The following NCKAP5 variants were observed in gnomAD, a reference collection of about 807,000 sequenced individuals.
NCKAP5 encodes nck-associated protein 5.
In NCKAP5, 92 loss-of-function variants were observed where a neutral mutation model predicts 167.0. The observed-to-expected ratio is 0.55, with a 90% CI of 0.47 to 0.66. The LOEUF is 0.66. Among genes scored for constraint, NCKAP5 ranks in the 30% least tolerant of loss-of-function variants. NCKAP5 has a pLI of 0.00. For missense variants in NCKAP5, 2,378 were observed against 2,315.0 expected (o/e 1.03, Z -0.56); for synonymous variants, 891 against 877.4 (o/e 1.02, Z -0.27).
intron 19 of NCKAP5, among the ~76,000 whole-genome samples, chr2:132,686,270 T>A (rs902051650): frequency 6.7e-6 from 1 of 148,828 alleles, no homozygotes; most frequent in African/African-American, 2.6e-5. Context: ...AGAAAGGTGG[T>A]TAGGGTTTCT....
intron 5 of NCKAP5, among the ~76,000 whole-genome samples, chr2:133,200,471 A>T (rs1241542224): frequency 6.6e-6 from 1 of 152,174 alleles, no homozygotes; most frequent in African/African-American, 2.4e-5. Flanking sequence ...AAAAAAAATA[A>T]TTCAAAAAAG....
intron 11 of NCKAP5, among the ~76,000 whole-genome samples, chr2:132,849,933 G>C: frequency 6.6e-6 from 1 of 152,164 alleles, no homozygotes; most frequent in East Asian, 1.9e-4. Context: ...GTAGTAGAAA[G>C]GGTACAATGC....
intron 3 of NCKAP5, among the ~76,000 whole-genome samples, chr2:133,511,852 T>C (rs1683523179): frequency 2.6e-5 from 4 of 152,206 alleles, no homozygotes. Context: ...AAGATCAGGC[T>C]TCCCAGAGGA....
At chr2:133,492,684 T>C (rs571506172) in intron 3 of NCKAP5, among the ~76,000 whole-genome samples, 46 of 152,370 alleles carry the variant, frequency 3.0e-4, no homozygotes, top group African/African-American at 1.0e-3. Flanking sequence ...ATATATAACC[T>C]GTGAGATTGT....
rs1695181149 is a variant in NCKAP5, at chr2:132,919,935, T to C, written c.580-41019A>G. Among the ~76,000 whole-genome samples, 2 of 152,166 alleles carry C rather than the reference T, an allele frequency of 1.3e-5. 1 individual carries two copies. The highest frequency in any genetic ancestry group is 4.1e-4 in the South Asian group (2 of 4,826). ...GGCCAAGTCTTGCTTGTGTCTACCT[T>C]AGTTATCAAAGGGCAGAAAAGGGAC... On this transcript the variant is annotated intron_variant, in intron 8 of 19. Coordinates refer to ENST00000409261, the MANE Select transcript of NCKAP5 (RefSeq NM_207363.3).
intron 7 of NCKAP5, among the ~76,000 whole-genome samples, chr2:132,971,341 T>C (rs2076828551): frequency 6.6e-6 from 1 of 152,060 alleles, no homozygotes; most frequent in South Asian, 2.1e-4. Context: ...GGAGGGCAAC[T>C]GAGAAGTCCA....
intron 8 of NCKAP5, among the ~76,000 whole-genome samples, chr2:132,950,126 T>G (rs2076140463): frequency 1.3e-5 from 2 of 152,086 alleles, no homozygotes; most frequent in African/African-American, 2.4e-5. Flanking sequence ...AAAAAGAAAT[T>G]ACTTTAGTCT....
intron 3 of NCKAP5, among the ~76,000 whole-genome samples, chr2:133,442,558 G>A (rs1220163925): frequency 6.6e-6 from 1 of 152,218 alleles, no homozygotes; most frequent in East Asian, 1.9e-4. Flanking sequence ...CTTCTAGGGT[G>A]TAGGTCTCCT....
At chr2:132,700,941 GC>G (rs1687826082) in intron 19 of NCKAP5, among the ~76,000 whole-genome samples, 1 of 128,364 alleles carries the variant, frequency 7.8e-6, no homozygotes, top group East Asian at 2.6e-4. Context: ...GGGGGGGGGG[GC>G]TTTTAAGCAA....
chr2:133,245,293 A>G (rs567315609), intron 4 of NCKAP5, among the ~76,000 whole-genome samples: 1 of 152,342 alleles, frequency 6.6e-6, no homozygotes, highest in African/African-American at 2.4e-5. Flanking sequence ...CCCCGTAACT[A>G]GAATGAAGTG....
rs531071343 is a variant in NCKAP5, at chr2:132,868,405, G to A, written c.687+531C>T. Among the ~76,000 whole-genome samples, 3 of 152,206 alleles carry A rather than the reference G, an allele frequency of 2.0e-5. No homozygotes were observed. In the East Asian group the frequency reaches 5.8e-4, roughly 29 times the overall value. ...AGGTATGGAAATTTCAGGCACAGTG[G>A]TTACCATTATTTTATATGTACCACA... is the stretch of plus-strand genomic sequence containing the variant. On this transcript the variant is annotated intron_variant, in intron 10 of 19. Transcript: ENST00000409261.
intron 5 of NCKAP5, among the ~76,000 whole-genome samples, chr2:133,200,870 T>C (rs2085655230): frequency 6.6e-6 from 1 of 152,174 alleles, no homozygotes; most frequent in South Asian, 2.1e-4. Flanking sequence ...CACTCAGCTA[T>C]TTTTTAAAAA....
chr2:132,788,531 C>T (rs181271770), intron 13 of NCKAP5, among the ~76,000 whole-genome samples: 1 of 152,280 alleles, frequency 6.6e-6, no homozygotes, highest in African/African-American at 2.4e-5. Context: ...CTTAGCACCT[C>T]AGTGTCCTCT....
chr2:133,358,254 A>G (rs1021962428), intron 3 of NCKAP5, among the ~76,000 whole-genome samples: 37 of 152,216 alleles, frequency 2.4e-4, no homozygotes, highest in African/African-American at 8.7e-4. Flanking sequence ...CCATTTTGAA[A>G]TCAGTTATTA....
intron 4 of NCKAP5, among the ~76,000 whole-genome samples, chr2:133,254,706 G>A (rs1025259636): frequency 2.6e-5 from 4 of 152,046 alleles, no homozygotes; most frequent in Admixed American, 2.0e-4. Flanking sequence ...TAGGAGTTTG[G>A]GTGAAGTTAC....
chr2:133,024,668 T>C (rs993350174), intron 6 of NCKAP5, among the ~76,000 whole-genome samples: 1 of 152,254 alleles, frequency 6.6e-6, no homozygotes. Context: ...TATATAATCA[T>C]TCTATCATTA....
chr2:133,197,881 C>T (rs547657547), intron 5 of NCKAP5, among the ~76,000 whole-genome samples: 5 of 152,072 alleles, frequency 3.3e-5, no homozygotes, highest in South Asian at 2.1e-4. Context: ...ATCCAGGAGG[C>T]GGAGATTGCA....
intron 19 of NCKAP5, among the ~76,000 whole-genome samples, chr2:132,680,798 G>A (rs1015552397): frequency 6.6e-6 from 1 of 152,170 alleles, no homozygotes; most frequent in African/African-American, 2.4e-5. Flanking sequence ...CTGGGAAGAG[G>A]AAAGGCATGT....
At chr2:133,535,608 C>T (rs1175989571) in intron 2 of NCKAP5, among the ~76,000 whole-genome samples, 2 of 138,890 alleles carry the variant, frequency 1.4e-5, no homozygotes, top group East Asian at 2.3e-4. Flanking sequence ...GTGAATAGTG[C>T]CAAAATAAAT....
Sources: allele counts gnomAD v4.1 joint callset (sites outside exome capture counted in the v4.1 genomes callset), GRCh38; gene constraint gnomAD v4.1.1; transcripts MANE v1.5; gene names NCBI Gene and HGNC (gene_info 2026-07-23, HGNC 2026-07-21).